Variants in ABAT observed in about 807,000 individuals in gnomAD.
ABAT encodes 4-aminobutyrate aminotransferase, mitochondrial.
Under a neutral mutation model 64.6 loss-of-function variants are expected in ABAT, and 45 were observed. The ratio of observed to expected loss-of-function variants is 0.70; its 90% CI spans 0.55 to 0.89. The LOEUF (loss-of-function observed/expected upper bound fraction) is 0.89. ABAT is among the 40% of genes least tolerant of loss of function. The pLI, the probability that ABAT is intolerant of heterozygous loss-of-function variation, is 0.00. For synonymous variants in ABAT, 297 were observed against 250.5 expected (o/e 1.19, Z -1.75); for missense variants, 633 against 658.4 (o/e 0.96, Z 0.42).
intron 1 of ABAT, among the ~76,000 whole-genome samples, chr16:8,708,895 C>T (rs1731062): frequency 0.7 from 105,764 of 152,028 alleles, 37,514 homozygotes; most frequent in East Asian, 0.85. Context: ...CAATAAACGG[C>T]GGCCAGTATT....
At chr16:8,727,783 A>C (rs972147191) in intron 1 of ABAT, among the ~76,000 whole-genome samples, 1 of 152,226 alleles carries the variant, frequency 6.6e-6, no homozygotes, top group Non-Finnish European at 1.5e-5. Context: ...AGAAGTGATG[A>C]CTTGGCCAGG....
chr16:8,700,418 A>G (rs572826068), intron 1 of ABAT, among the ~76,000 whole-genome samples: 1 of 152,284 alleles, frequency 6.6e-6, no homozygotes, highest in South Asian at 2.1e-4. Context: ...CAGCACCTAG[A>G]TCAAGATCTA....
chr16:8,740,502 G>T (rs930586245), intron 2 of ABAT, among the ~76,000 whole-genome samples: 1 of 152,124 alleles, frequency 6.6e-6, no homozygotes, highest in Admixed American at 6.5e-5. Context: ...TTGATACGTG[G>T]ACCTCTTCAC....
At chr16:8,700,416 A>G (rs1298503657) in intron 1 of ABAT, among the ~76,000 whole-genome samples, 2 of 152,178 alleles carry the variant, frequency 1.3e-5, no homozygotes, top group African/African-American at 4.8e-5. Context: ...ACCAGCACCT[A>G]GATCAAGATC....
intron 1 of ABAT, among the ~76,000 whole-genome samples, chr16:8,690,194 A>G (rs1417970000): frequency 1.3e-5 from 2 of 152,214 alleles, no homozygotes; most frequent in Non-Finnish European, 2.9e-5. Context: ...TGGCAGCAGC[A>G]GCATCTGCCT....
At chr16:8,778,817 G>A (rs1348696878) in intron 14 of ABAT, among the ~76,000 whole-genome samples, 2 of 151,932 alleles carry the variant, frequency 1.3e-5, no homozygotes, top group South Asian at 2.1e-4. Context: ...CATTGCATTA[G>A]GGGCCATTCT....
At position 8,679,526 on chromosome 16, in the gene ABAT, C is replaced by CAAA. The variant is rs35069718; in HGVS notation, c.-42+4828_-42+4830dup. Among the ~76,000 whole-genome samples the CAAA allele has an allele frequency of 3.1e-3, 419 of 133,656 alleles. 3 individuals are homozygous for CAAA. The highest frequency in any genetic ancestry group is 0.011 in the African/African-American group (397 of 35,086). 87.7% of individuals were successfully genotyped at this position (133,656 alleles called of 152,430 possible). ...AAGGCAAAGGAAAAAACATGAAAGC[C>CAAA]AAAAAAAAAAAAAAAGGTAGAAGGA... is the stretch of plus-strand genomic sequence containing the variant. On this transcript the variant is annotated intron_variant, in intron 1 of 15. Transcript: ENST00000268251.
intron 1 of ABAT, among the ~76,000 whole-genome samples, chr16:8,733,492 G>A (rs1248777596): frequency 6.6e-6 from 1 of 151,918 alleles, no homozygotes; most frequent in Admixed American, 6.5e-5. Context: ...GCTGGGAGGT[G>A]GAGGTTGTAG....
At chr16:8,682,186 T>TACACACACACACACACAC (rs55951090) in intron 1 of ABAT, among the ~76,000 whole-genome samples, 4 of 131,456 alleles carry the variant, frequency 3.0e-5, no homozygotes, top group Admixed American at 1.6e-4. Flanking sequence ...CCTAACAGGA[T>TACACACACACACACACAC]ACACACACAC....
chr16:8,723,809 T>TTATATATATATATATATATATATATATA (rs540646083), intron 1 of ABAT, among the ~76,000 whole-genome samples: 6 of 44,824 alleles, frequency 1.3e-4, no homozygotes, highest in South Asian at 8.0e-4. Flanking sequence ...TCCAAGCTTT[T>TTATATATATATATATATATATATATATA]TATATATATA....
At chr16:8,719,525 C>T (rs1320018801) in intron 1 of ABAT, among the ~76,000 whole-genome samples, 1 of 152,098 alleles carries the variant, frequency 6.6e-6, no homozygotes, top group East Asian at 1.9e-4. Flanking sequence ...CCCTGGATTC[C>T]TGATTGAGGT....
intron 1 of ABAT, among the ~76,000 whole-genome samples, chr16:8,696,001 C>T (rs935706299): frequency 3.3e-5 from 5 of 152,210 alleles, no homozygotes; most frequent in African/African-American, 9.6e-5. Flanking sequence ...GACAAGAAGG[C>T]GTCCAGCCTC....
At chr16:8,713,458 C>T (rs7188782) in intron 1 of ABAT, 113,366 of 174,020 alleles carry the variant, frequency 0.65, 37,342 homozygotes, top group East Asian at 0.89. Context: ...TATCGCTCTC[C>T]TTCTGCCTCT....
intron 12 of ABAT, among the ~76,000 whole-genome samples, chr16:8,773,133 CACACACACACACACAT>C (rs1381377245): frequency 7.6e-6 from 1 of 132,126 alleles, no homozygotes; most frequent in African/African-American, 3.6e-5. Context: ...CACACACACA[CACACACACACACACAT>C]ATATATATAT....
chr16:8,777,301 T>C (rs1225801639), intron 14 of ABAT, among the ~76,000 whole-genome samples: 1 of 151,240 alleles, frequency 6.6e-6, no homozygotes, highest in African/African-American at 2.4e-5. Flanking sequence ...ATTCCCGCCT[T>C]TGTGCAACCT....
intron 4 of ABAT, 85 bp downstream of exon 4, chr16:8,748,222 T>C: frequency 1.5e-6 from 2 of 1,304,536 alleles, no homozygotes; most frequent in South Asian, 1.3e-5. Flanking sequence ...GTTCTGGCTC[T>C]TTTTTAAAAA....
intron 1 of ABAT, among the ~76,000 whole-genome samples, chr16:8,725,460 G>A (rs796701808): frequency 1.1e-4 from 17 of 152,200 alleles, no homozygotes; most frequent in African/African-American, 3.9e-4. Flanking sequence ...AAATGGATTC[G>A]TAGACTATGG....
At chr16:8,711,810 G>GGATGGATGGATGGATGGATGGACA (rs1555485829) in intron 1 of ABAT, among the ~76,000 whole-genome samples, 2 of 112,742 alleles carry the variant, frequency 1.8e-5, no homozygotes, top group Admixed American at 1.9e-4. Flanking sequence ...ATGGATGGAT[G>GGATGGATGGATGGATGGATGGACA]GATGGATGGA....
At chr16:8,725,610 C>T (rs866474035) in intron 1 of ABAT, among the ~76,000 whole-genome samples, 1 of 152,272 alleles carries the variant, frequency 6.6e-6, no homozygotes, top group African/African-American at 2.4e-5. Flanking sequence ...TTTGTTTATT[C>T]ATTCATCCAC....
Sources: gnomAD v4.1 joint callset for allele counts (sites outside exome capture counted in the v4.1 genomes callset) on GRCh38, gnomAD v4.1.1 for gene constraint, MANE v1.5 for transcripts, NCBI Gene and HGNC (gene_info 2026-07-23, HGNC 2026-07-21) for gene names.